ROBO1: variants seen among roughly 807,000 people sequenced by gnomAD.
ROBO1 encodes roundabout guidance receptor 1, also known as roundabout homolog 1.
ROBO1 carries 149 observed loss-of-function variants against 195.9 expected under a neutral mutation model. The observed-to-expected ratio is 0.76, with a 90% CI of 0.67 to 0.87. The LOEUF (loss-of-function observed/expected upper bound fraction) is 0.87. Among genes scored for constraint, ROBO1 ranks in the 40% least tolerant of loss-of-function variants. The pLI, the probability that ROBO1 is intolerant of heterozygous loss-of-function variation, is 0.00. For synonymous variants in ROBO1, 816 were observed against 733.2 expected, an observed-to-expected ratio of 1.11 and a Z score of -1.82; for missense variants, 1,933 against 2,068.3, an observed-to-expected ratio of 0.93 and a Z score of 1.27.
chr3:79,030,205 A>G (rs1336035283), intron 3 of ROBO1, among the ~76,000 whole-genome samples: 1 of 152,170 alleles, frequency 6.6e-6, no homozygotes, highest in African/African-American at 2.4e-5. Context: ...CTACCCCCTT[A>G]CTGTAATCCC....
At chr3:79,155,431 A>C (rs1049236787) in intron 2 of ROBO1, among the ~76,000 whole-genome samples, 7 of 151,752 alleles carry the variant, frequency 4.6e-5, no homozygotes, top group Admixed American at 4.6e-4. Context: ...ACAAAGAAAA[A>C]CTTTTTCCAA....
intron 1 of ROBO1, among the ~76,000 whole-genome samples, chr3:79,705,093 GA>G (rs1560116028): frequency 6.6e-6 from 1 of 151,800 alleles, no homozygotes; most frequent in Non-Finnish European, 1.5e-5. Context: ...ATCCTTTTCA[GA>G]TTTTTTTTGG....
At chr3:79,714,639 CACATAT>C (rs1224946853) in intron 1 of ROBO1, among the ~76,000 whole-genome samples, 1 of 151,706 alleles carries the variant, frequency 6.6e-6, no homozygotes, top group East Asian at 1.9e-4. Context: ...GAAAATGTGG[CACATAT>C]ACATCATGGA....
intron 4 of ROBO1, among the ~76,000 whole-genome samples, chr3:78,759,946 T>C (rs1317337824): frequency 1.3e-5 from 2 of 152,222 alleles, no homozygotes; most frequent in African/African-American, 4.8e-5. Flanking sequence ...AGTGAGAATC[T>C]GGACAACATA....
intron 3 of ROBO1, among the ~76,000 whole-genome samples, chr3:79,068,799 T>C (rs1418553024): frequency 6.6e-6 from 1 of 151,894 alleles, no homozygotes; most frequent in Non-Finnish European, 1.5e-5. Context: ...CAATTATTAT[T>C]CTGAAATGAC....
intron 3 of ROBO1, among the ~76,000 whole-genome samples, chr3:78,975,470 G>C (rs915790717): frequency 2.4e-4 from 37 of 152,046 alleles, no homozygotes; most frequent in African/African-American, 8.0e-4. Flanking sequence ...AATGAGAATT[G>C]GTTCTTGGAG....
chr3:78,616,578 T>C (rs573760107), intron 27 of ROBO1, among the ~76,000 whole-genome samples: 6 of 152,244 alleles, frequency 3.9e-5, no homozygotes, highest in Non-Finnish European at 7.4e-5. Context: ...CAATCCAATA[T>C]GTGAAAAGAC....
At chr3:79,530,602 A>G (rs1941608480) in intron 2 of ROBO1, among the ~76,000 whole-genome samples, 1 of 152,074 alleles carries the variant, frequency 6.6e-6, no homozygotes, top group African/African-American at 2.4e-5. Context: ...TTTCAAATCT[A>G]TCCATTGTTA....
chr3:79,333,147 G>T (rs1305888001), intron 2 of ROBO1, among the ~76,000 whole-genome samples: 2 of 151,278 alleles, frequency 1.3e-5, no homozygotes, highest in African/African-American at 2.4e-5. Context: ...AGGTTCCAGT[G>T]AGCCGAGACG....
At chr3:79,570,362 AT>A (rs1451098460) in intron 2 of ROBO1, among the ~76,000 whole-genome samples, 5 of 152,228 alleles carry the variant, frequency 3.3e-5, no homozygotes, top group African/African-American at 1.2e-4. Context: ...GAAAGTTTCA[AT>A]TTTTTGATCA....
intron 2 of ROBO1, among the ~76,000 whole-genome samples, chr3:79,289,901 A>AATGGTAGAGATGG (rs1356934718): frequency 2.0e-5 from 3 of 152,124 alleles, no homozygotes; most frequent in East Asian, 3.9e-4. Context: ...TATGTCCATC[A>AATGGTAGAGATGG]ACAGGAAGAG....
intron 3 of ROBO1, chr3:79,019,364 G>T (rs1232992462): frequency 1.0e-6 from 1 of 985,692 alleles, no homozygotes; most frequent in Non-Finnish European, 1.2e-6. Context: ...TGCTGCTGCG[G>T]GTGGGAGAGA....
At chr3:79,625,900 A>C (rs2108001659) in intron 1 of ROBO1, among the ~76,000 whole-genome samples, 1 of 152,300 alleles carries the variant, frequency 6.6e-6, no homozygotes, top group South Asian at 2.1e-4. Flanking sequence ...GAAGAGACAC[A>C]ACAAAAAAAG....
chr3:78,637,713 G>A (rs569090911), intron 22 of ROBO1, among the ~76,000 whole-genome samples: 17 of 152,094 alleles, frequency 1.1e-4, no homozygotes, highest in Non-Finnish European at 2.4e-4. Flanking sequence ...GTATCTATCT[G>A]TCTAGACATT....
intron 1 of ROBO1, among the ~76,000 whole-genome samples, chr3:79,617,988 G>A (rs1010247321): frequency 2.0e-5 from 3 of 150,592 alleles, no homozygotes; most frequent in Non-Finnish European, 3.0e-5. Context: ...GTAGTTGAAA[G>A]CTTAAAACTA....
intron 5 of ROBO1, among the ~76,000 whole-genome samples, chr3:78,735,619 C>CA (rs2082375850): frequency 6.6e-6 from 1 of 151,960 alleles, no homozygotes; most frequent in Admixed American, 6.6e-5. Flanking sequence ...CCATACCTAA[C>CA]GGATAAATAA....
chr3:79,404,479 C>G (rs1344806496), intron 2 of ROBO1, among the ~76,000 whole-genome samples: 1 of 152,088 alleles, frequency 6.6e-6, no homozygotes, highest in African/African-American at 2.4e-5. Context: ...AGAAACTTAA[C>G]TATAAAGTTC....
At chr3:79,339,778 C>T (rs945646430) in intron 2 of ROBO1, among the ~76,000 whole-genome samples, 1 of 152,136 alleles carries the variant, frequency 6.6e-6, no homozygotes, top group African/African-American at 2.4e-5. Flanking sequence ...AGTGACCAAC[C>T]TTTAGAAGGT....
chr3:79,510,552 C>T (rs1186696877), intron 2 of ROBO1, among the ~76,000 whole-genome samples: 1 of 144,490 alleles, frequency 6.9e-6, no homozygotes, highest in Non-Finnish European at 1.5e-5. Flanking sequence ...ATCCTTTCTT[C>T]TTTTTTTTTT....
Sources: allele counts gnomAD v4.1 joint callset (sites outside exome capture counted in the v4.1 genomes callset), GRCh38; gene constraint gnomAD v4.1.1; transcripts MANE v1.5; gene names NCBI Gene and HGNC (gene_info 2026-07-23, HGNC 2026-07-21).